CDK14: variants seen among roughly 807,000 people sequenced by gnomAD.
CDK14 encodes the protein cyclin dependent kinase 14.
CDK14 carries 34 observed loss-of-function variants against 60.7 expected under a neutral mutation model. The observed-to-expected ratio is 0.56, with a 90% CI of 0.43 to 0.75. The LOEUF (loss-of-function observed/expected upper bound fraction) is 0.75, where lower values mean the gene tolerates loss of function less well. Ranked by LOEUF, CDK14 falls within the 30% of genes least tolerant of loss-of-function variation. The pLI, the probability that CDK14 is intolerant of heterozygous loss-of-function variation, is 0.00. For synonymous variants in CDK14, 197 were observed against 203.7 expected (o/e 0.97, Z 0.28); for missense variants, 482 against 564.1 (o/e 0.85, Z 1.47).
At chr7:90,882,618 C>G (rs1283910775) in intron 6 of CDK14, among the ~76,000 whole-genome samples, 1 of 152,194 alleles carries the variant, frequency 6.6e-6, no homozygotes, top group African/African-American at 2.4e-5. Flanking sequence ...ACAGAACTCT[C>G]TACCCCAAAT....
intron 8 of CDK14, among the ~76,000 whole-genome samples, chr7:90,947,168 C>A (rs1371500354): frequency 1.3e-5 from 2 of 152,200 alleles, no homozygotes; most frequent in Non-Finnish European, 2.9e-5. Flanking sequence ...GTTTTTGGAA[C>A]CTTTTTCCAG....
intron 14 of CDK14, among the ~76,000 whole-genome samples, chr7:91,168,201 G>A (rs1377093837): frequency 2.0e-5 from 3 of 150,016 alleles, no homozygotes; most frequent in East Asian, 3.9e-4. Context: ...GGCGGAGGTC[G>A]CAGTGAGCCG....
At chr7:90,920,365 G>A (rs1046981178) in intron 8 of CDK14, among the ~76,000 whole-genome samples, 1 of 152,128 alleles carries the variant, frequency 6.6e-6, no homozygotes, top group African/African-American at 2.4e-5. Context: ...TATTGTAAAT[G>A]ATACTACTTT....
At chr7:91,026,984 T>C (rs1796590280) in intron 10 of CDK14, among the ~76,000 whole-genome samples, 1 of 152,174 alleles carries the variant, frequency 6.6e-6, no homozygotes, top group South Asian at 2.1e-4. Flanking sequence ...AAAGATCTCT[T>C]AGGCTGCCTA....
intron 13 of CDK14, among the ~76,000 whole-genome samples, 179 bp downstream of exon 13, chr7:91,112,860 G>A (rs538028601): frequency 1.3e-5 from 2 of 151,544 alleles, no homozygotes; most frequent in Non-Finnish European, 2.9e-5. Context: ...TGTGGAGAGA[G>A]AGAGAGAGAG....
chr7:90,596,492 C>T lies in CDK14; in HGVS notation c.-136C>T, dbSNP rs34052294. On this transcript the variant is annotated 5_prime_UTR_variant, in exon 1 of 15. Coordinates refer to ENST00000380050, the MANE Select transcript of CDK14 (RefSeq NM_001287135.2). ...CTGCCTGCTGCTCGCCTCCCTAGAC[C>T]TGCGCGTCGCTTCCCGGCCCGCCGA... 1.5e-6 allele frequency: 1 copy of T among 677,910 alleles called. No individual in the cohort carries two copies. The highest frequency in any genetic ancestry group is 2.3e-5 in the Admixed American group (1 of 44,422). 42.0% of individuals were successfully genotyped at this position (677,910 alleles called of 1,614,324 possible).
chr7:90,814,863 C>A (rs970163907), intron 5 of CDK14, among the ~76,000 whole-genome samples: 15 of 152,246 alleles, frequency 9.9e-5, no homozygotes, highest in African/African-American at 3.6e-4. Context: ...TTTTATGATT[C>A]CATAGTGGAG....
intron 2 of CDK14, among the ~76,000 whole-genome samples, chr7:90,657,934 G>T (rs1800784061): frequency 6.6e-6 from 1 of 152,108 alleles, no homozygotes; most frequent in African/African-American, 2.4e-5. Flanking sequence ...CCACATCTTT[G>T]CTCCTTCTGT....
chr7:90,999,001 G>A (rs537960664), intron 10 of CDK14, among the ~76,000 whole-genome samples: 22 of 152,284 alleles, frequency 1.4e-4, no homozygotes, highest in African/African-American at 5.1e-4. Context: ...TCGTAACATC[G>A]TGGAGAGCAT....
At position 90,813,592 on chromosome 7, in the gene CDK14, A is replaced by G. The variant is rs532462963; in HGVS notation, c.544+22940A>G. Among the ~76,000 whole-genome samples the G allele has an allele frequency of 5.3e-5, 8 of 152,158 alleles. No individual in the cohort carries two copies. In the East Asian group the frequency reaches 1.5e-3, roughly 29 times the overall value. ...GCAAAACCCCGTCTCTACTAAAAAT[A>G]TTGTAAATTAGCTGGGCACGGTGGC... is the stretch of plus-strand genomic sequence containing the variant. On this transcript the variant is annotated intron_variant, in intron 5 of 14. Coordinates refer to ENST00000380050, the MANE Select transcript of CDK14 (RefSeq NM_001287135.2).
chr7:91,171,287 T>C (rs950130563), intron 14 of CDK14, among the ~76,000 whole-genome samples: 1 of 151,786 alleles, frequency 6.6e-6, no homozygotes, highest in African/African-American at 2.4e-5. Context: ...GAGGTGGAGC[T>C]TGCAGTGAGC....
At chr7:90,923,833 A>G (rs1265676591) in intron 8 of CDK14, among the ~76,000 whole-genome samples, 1 of 152,218 alleles carries the variant, frequency 6.6e-6, no homozygotes, top group Non-Finnish European at 1.5e-5. Flanking sequence ...GTCATACTGG[A>G]TGTAAGTTAA....
chr7:91,034,945 T>TAC (rs35003949), intron 10 of CDK14, among the ~76,000 whole-genome samples: 67,009 of 145,856 alleles, frequency 0.46, 15,220 homozygotes, highest in East Asian at 0.65. Flanking sequence ...CACATACACA[T>TAC]ACACACACAC....
chr7:90,596,511 C>T lies in CDK14; in HGVS notation c.-117C>T, dbSNP rs926602373. The T allele has an allele frequency of 2.5e-6, 2 of 789,324 alleles. No individual in the cohort carries two copies. Among genetic ancestry groups the T allele is most frequent in the Middle Eastern group, 3.2e-4 (1 of 3,128 alleles). 48.9% of individuals were successfully genotyped at this position (789,324 alleles called of 1,614,324 possible). The stretch of plus-strand genomic sequence containing the variant: ...CTAGACCTGCGCGTCGCTTCCCGGC[C>T]CGCCGAGGAGGTGGTGGAGGAGGAG... On this transcript the variant is annotated 5_prime_UTR_variant, in exon 1 of 15. Coordinates refer to ENST00000380050, the MANE Select transcript of CDK14 (RefSeq NM_001287135.2).
At chr7:90,753,948 T>C (rs1803951845) in intron 4 of CDK14, among the ~76,000 whole-genome samples, 1 of 151,838 alleles carries the variant, frequency 6.6e-6, no homozygotes, top group African/African-American at 2.4e-5. Flanking sequence ...CTGCAAGGAG[T>C]ACTACAAAAC....
At chr7:91,038,725 A>T (rs1051729889) in intron 10 of CDK14, among the ~76,000 whole-genome samples, 2 of 152,228 alleles carry the variant, frequency 1.3e-5, no homozygotes. Context: ...GGAGGAACCC[A>T]GTGGGAGGTG....
chr7:90,729,250 C>T (rs1212321204), intron 3 of CDK14, among the ~76,000 whole-genome samples: 1 of 149,858 alleles, frequency 6.7e-6, no homozygotes, highest in Non-Finnish European at 1.5e-5. Flanking sequence ...CCAACTTGAA[C>T]TTCAGCTTCC....
chr7:90,927,847 T>C (rs924844364), intron 8 of CDK14, among the ~76,000 whole-genome samples: 1 of 152,226 alleles, frequency 6.6e-6, no homozygotes, highest in Admixed American at 6.5e-5. Context: ...CTTTCAGGTA[T>C]ACCAATCAGA....
chr7:91,107,094 A>G (rs377180729), intron 12 of CDK14, among the ~76,000 whole-genome samples: 31 of 152,178 alleles, frequency 2.0e-4, no homozygotes, highest in African/African-American at 7.5e-4. Context: ...CTCATTACTG[A>G]ATTAAAGAAT....
Sources: gnomAD v4.1 joint callset for allele counts (sites outside exome capture counted in the v4.1 genomes callset) on GRCh38, gnomAD v4.1.1 for gene constraint, MANE v1.5 for transcripts, NCBI Gene and HGNC (gene_info 2026-07-23, HGNC 2026-07-21) for gene names.